Variants in CATSPERT observed in about 807,000 individuals in gnomAD.
CATSPERT encodes cation channel sperm-associated targeting subunit tau.
the CATSPERT span, chr2:201,491,639 T>C: frequency 1.3e-6 from 2 of 1,537,174 alleles, no homozygotes; most frequent in East Asian, 2.4e-5. Context: ...AAAGTGATTC[T>C]GTTTAAGTAC....
the CATSPERT span, among the ~76,000 whole-genome samples, chr2:201,543,153 C>A: frequency 6.6e-6 from 1 of 152,212 alleles, no homozygotes; most frequent in African/African-American, 2.4e-5. Context: ...TCTCAAAGAT[C>A]AGTTCATCAC....
chr2:201,595,906 C>CA, the CATSPERT span, among the ~76,000 whole-genome samples: 148 of 142,090 alleles, frequency 1.0e-3, 1 homozygote, highest in African/African-American at 3.9e-3. Context: ...ACTAAAAACT[C>CA]AAAAAAAAAA....
At chr2:201,539,536 CTT>C in the CATSPERT span, among the ~76,000 whole-genome samples, 3 of 36,216 alleles carry the variant, frequency 8.3e-5, no homozygotes, top group South Asian at 2.7e-3. Context: ...TTTTGTAAAT[CTT>C]TGCCCACTTT....
chr2:201,539,983 A>G, the CATSPERT span, among the ~76,000 whole-genome samples: 1 of 152,206 alleles, frequency 6.6e-6, no homozygotes, highest in Non-Finnish European at 1.5e-5. Context: ...AAATGATAAG[A>G]AAGCAAAACA....
the CATSPERT span, among the ~76,000 whole-genome samples, chr2:201,533,337 AT>A: frequency 6.6e-6 from 1 of 152,214 alleles, no homozygotes; most frequent in Non-Finnish European, 1.5e-5. Flanking sequence ...AACAGAAGTT[AT>A]TTCTTATGGA....
the CATSPERT span, chr2:201,552,983 A>G: frequency 6.6e-6 from 1 of 152,198 alleles, no homozygotes; most frequent in Admixed American, 6.5e-5. Context: ...TTATTTTATT[A>G]TGTGTAGGTC....
At chr2:201,528,928 AAAC>A in the CATSPERT span, among the ~76,000 whole-genome samples, 1 of 152,136 alleles carries the variant, frequency 6.6e-6, no homozygotes, top group African/African-American at 2.4e-5. Context: ...GGAAGGAACA[AAAC>A]AACAAAAATT....
chr2:201,565,691 T>C, the CATSPERT span: 1 of 1,496,386 alleles, frequency 6.7e-7, no homozygotes, highest in Non-Finnish European at 8.9e-7. Flanking sequence ...GATGAAAATT[T>C]TGAGCTCTTT....
the CATSPERT span, among the ~76,000 whole-genome samples, chr2:201,616,260 A>C: frequency 6.6e-6 from 1 of 152,256 alleles, no homozygotes; most frequent in African/African-American, 2.4e-5. Context: ...ACAAAAACAG[A>C]GAATTTTAGA....
At chr2:201,579,853 CTTT>C in the CATSPERT span, among the ~76,000 whole-genome samples, 10 of 134,226 alleles carry the variant, frequency 7.5e-5, no homozygotes, top group Admixed American at 7.5e-5. Context: ...CTTTCTTTTT[CTTT>C]TTTTTTTTTT....
At chr2:201,502,118 C>T in the CATSPERT span, among the ~76,000 whole-genome samples, 86 of 152,310 alleles carry the variant, frequency 5.6e-4, no homozygotes, top group African/African-American at 1.7e-3. Flanking sequence ...TTCTGCTGCT[C>T]AAGACCAACA....
At chr2:201,591,143 T>C in the CATSPERT span, among the ~76,000 whole-genome samples, 13 of 152,212 alleles carry the variant, frequency 8.5e-5, no homozygotes, top group African/African-American at 3.1e-4. Context: ...CTTTAATCCA[T>C]CTTGAATTGA....
the CATSPERT span, among the ~76,000 whole-genome samples, chr2:201,537,845 G>T: frequency 6.6e-6 from 1 of 151,930 alleles, no homozygotes; most frequent in Admixed American, 6.6e-5. Flanking sequence ...TTCAAGGAAG[G>T]CTGGTTAAAA....
chr2:201,605,546 T>C, the CATSPERT span, among the ~76,000 whole-genome samples: 1 of 151,988 alleles, frequency 6.6e-6, no homozygotes, highest in Non-Finnish European at 1.5e-5. Context: ...CTTCATCCAT[T>C]TAAAAAAAAA....
At chr2:201,526,400 C>T in the CATSPERT span, among the ~76,000 whole-genome samples, 1 of 152,108 alleles carries the variant, frequency 6.6e-6, no homozygotes, top group Non-Finnish European at 1.5e-5. Context: ...CACCTGTAGT[C>T]CCAGCTACTC....
the CATSPERT span, among the ~76,000 whole-genome samples, chr2:201,581,548 G>GTGTATATATATATATATATA: frequency 1.0e-4 from 1 of 9,662 alleles, no homozygotes; most frequent in African/African-American, 4.4e-4. Context: ...AAAAATGTGT[G>GTGTATATATATATATATATA]TATATATATA....
chr2:201,536,648 A>T, the CATSPERT span, among the ~76,000 whole-genome samples: 16 of 151,956 alleles, frequency 1.1e-4, no homozygotes, highest in Non-Finnish European at 2.2e-4. Flanking sequence ...CATGAAACAA[A>T]GGAAATTTTA....
the CATSPERT span, among the ~76,000 whole-genome samples, chr2:201,610,250 C>T: frequency 9.9e-5 from 15 of 152,068 alleles, no homozygotes; most frequent in East Asian, 1.9e-4. Flanking sequence ...GTCAGGAGAT[C>T]GAGACCATCC....
At chr2:201,511,873 ACTC>A in the CATSPERT span, 3 of 139,162 alleles carry the variant, frequency 2.2e-5, no homozygotes, top group Admixed American at 7.2e-5. Flanking sequence ...AAAAAAAAAA[ACTC>A]TTCTTTTAAC....
Sources: allele counts gnomAD v4.1 joint callset (sites outside exome capture counted in the v4.1 genomes callset), GRCh38; gene constraint gnomAD v4.1.1; transcripts MANE v1.5; gene names NCBI Gene and HGNC (gene_info 2026-07-23, HGNC 2026-07-21).